The following NUP93 variants were observed in gnomAD, a reference collection of about 807,000 sequenced individuals.
NUP93 encodes the protein nucleoporin 93.
Under a neutral mutation model 107.8 loss-of-function variants are expected in NUP93, and 55 were observed. The ratio of observed to expected loss-of-function variants is 0.51; its 90% CI spans 0.41 to 0.64. NUP93 has a LOEUF of 0.64. Ranked by LOEUF, NUP93 falls within the 30% of genes least tolerant of loss-of-function variation. The pLI is 0.00. For synonymous variants in NUP93, 390 were observed against 397.5 expected (o/e 0.98, Z 0.22); for missense variants, 937 against 1,044.7 (o/e 0.90, Z 1.42).
At chr16:56,841,133 T>C (rs1203000093) in intron 20 of NUP93, among the ~76,000 whole-genome samples, 1 of 152,238 alleles carries the variant, frequency 6.6e-6, no homozygotes, top group Non-Finnish European at 1.5e-5. Flanking sequence ...ATACCTGCTG[T>C]GGCTTCTACC....
chr16:56,754,245 C>G (rs1204410898), intron 2 of NUP93, among the ~76,000 whole-genome samples: 1 of 152,086 alleles, frequency 6.6e-6, no homozygotes, highest in African/African-American at 2.4e-5. Context: ...CACTGGGTGC[C>G]CCCTCCAATG....
chr16:56,733,082 G>A (rs557963446), intron 1 of NUP93, among the ~76,000 whole-genome samples: 1 of 152,290 alleles, frequency 6.6e-6, no homozygotes, highest in South Asian at 2.1e-4. Flanking sequence ...GTGTTATAGA[G>A]AGTGTGTACT....
intron 3 of NUP93, among the ~76,000 whole-genome samples, chr16:56,763,569 T>G (rs1962166840): frequency 6.6e-6 from 1 of 151,858 alleles, no homozygotes; most frequent in Non-Finnish European, 1.5e-5. Context: ...TCTTTTTTCT[T>G]TTATAACATA....
At chr16:56,799,475 A>T (rs145686301) in intron 4 of NUP93, among the ~76,000 whole-genome samples, 186 of 152,300 alleles carry the variant, frequency 1.2e-3, no homozygotes, top group Non-Finnish European at 2.2e-3. Context: ...ATCCCATTAT[A>T]GTGAAAGAGA....
At chr16:56,757,964 G>A (rs977496875) in intron 2 of NUP93, among the ~76,000 whole-genome samples, 15 of 152,138 alleles carry the variant, frequency 9.9e-5, no homozygotes, top group Non-Finnish European at 1.8e-4. Flanking sequence ...TGTACAACCC[G>A]GGAGGCTGAG....
At chr16:56,812,200 CT>C (rs1384480459) in intron 5 of NUP93, among the ~76,000 whole-genome samples, 1 of 152,028 alleles carries the variant, frequency 6.6e-6, no homozygotes, top group Non-Finnish European at 1.5e-5. Flanking sequence ...AGGCTCAAAG[CT>C]TTTTTTGTTT....
At chr16:56,813,825 T>C (rs1379753262) in intron 5 of NUP93, among the ~76,000 whole-genome samples, 3 of 152,226 alleles carry the variant, frequency 2.0e-5, no homozygotes, top group African/African-American at 7.2e-5. Context: ...GTGTCTGTCG[T>C]TTTTTAGTAG....
At chr16:56,739,556 C>T (rs868367782) in intron 1 of NUP93, among the ~76,000 whole-genome samples, 4,503 of 22,266 alleles carry the variant, frequency 0.2, 2 homozygotes, top group Non-Finnish European at 0.23. Context: ...CCGGACGGGG[C>T]GGCTGGCCGG....
At chr16:56,843,937 T>C (rs1391704936) in intron 21 of NUP93, among the ~76,000 whole-genome samples, 1 of 152,134 alleles carries the variant, frequency 6.6e-6, no homozygotes, top group Non-Finnish European at 1.5e-5. Flanking sequence ...CCATAAATAC[T>C]GTTGCCTGGG....
intron 1 of NUP93, among the ~76,000 whole-genome samples, chr16:56,740,160 C>G (rs1433104526): frequency 9.7e-5 from 14 of 144,734 alleles, no homozygotes; most frequent in African/African-American, 2.1e-4. Flanking sequence ...GGGGTGGCTG[C>G]CGGGCGGAGA....
intron 8 of NUP93, among the ~76,000 whole-genome samples, chr16:56,828,218 C>G (rs528158795): frequency 9.1e-6 from 1 of 109,954 alleles, no homozygotes; most frequent in African/African-American, 3.5e-5. Flanking sequence ...AAAAAAAGAT[C>G]ATTGTCATGA....
chr16:56,810,005 G>A (rs1312257625), intron 5 of NUP93, among the ~76,000 whole-genome samples: 1 of 152,164 alleles, frequency 6.6e-6, no homozygotes, highest in Non-Finnish European at 1.5e-5. Context: ...GTGTTAATAG[G>A]TTGTGTTCTG....
rs768650810 is a variant in NUP93, at chr16:56,841,810, C to T, written c.2326C>T (p.Arg776Ter). The change falls in exon 21 of 22, where the codon CGA becomes TGA. Residue 776 changes from arginine (R) to a stop codon, truncating the protein, a stop_gained. Coordinates refer to ENST00000308159, the MANE Select transcript of NUP93 (RefSeq NM_014669.5). LOFTEE classifies it high-confidence loss of function. Reference protein sequence around the residue: ...TSPSSSSRPQRVIEDRDSQLR... With the variant: ...TSPSSSSRPQ ...TCCATCCTCGTCATCCAGGCCCCAG[C>T]GAGTCATCGAGGACCGCGACTCTGT... is the stretch of plus-strand genomic sequence containing the variant. The T allele has an allele frequency of 1.8e-5, 29 of 1,614,026 alleles. No individual in the cohort carries two copies. The highest frequency in any genetic ancestry group is 2.2e-5 in the East Asian group (1 of 44,896).
chr16:56,828,588 G>A (rs2144624731), intron 8 of NUP93, among the ~76,000 whole-genome samples: 1 of 152,340 alleles, frequency 6.6e-6, no homozygotes, highest in South Asian at 2.1e-4. Flanking sequence ...AAAAGGTTAT[G>A]TGCATTCATT....
At chr16:56,784,591 C>T (rs1468442498) in intron 3 of NUP93, among the ~76,000 whole-genome samples, 1 of 152,138 alleles carries the variant, frequency 6.6e-6, no homozygotes, top group African/African-American at 2.4e-5. Flanking sequence ...TAAGAGGAAA[C>T]AAGTGGATTT....
chr16:56,836,554 G>A (rs769368023), intron 16 of NUP93, 47 bp from the exon 17 acceptor site: 4 of 1,126,492 alleles, frequency 3.6e-6, no homozygotes, highest in Non-Finnish European at 5.4e-6. Context: ...TAATAGCTCT[G>A]TGCACCCGTC....
At chr16:56,759,636 T>C (rs1014897253) in intron 3 of NUP93, among the ~76,000 whole-genome samples, 25 of 152,232 alleles carry the variant, frequency 1.6e-4, no homozygotes, top group African/African-American at 5.8e-4. Context: ...TGTCAACTTA[T>C]AGTTGCCTTC....
intron 3 of NUP93, among the ~76,000 whole-genome samples, chr16:56,774,134 G>A (rs1331744880): frequency 6.6e-6 from 1 of 152,104 alleles, no homozygotes; most frequent in Non-Finnish European, 1.5e-5. Flanking sequence ...AAAGGGAAGT[G>A]GGAGGATTAA....
Position 56,830,583 on chromosome 16 carries a change from G to A in NUP93, c.983G>A (p.Cys328Tyr), listed in dbSNP as rs1963762136. The A allele has an allele frequency of 6.2e-7, 1 of 1,610,790 alleles. No individual in the cohort carries two copies. The highest frequency in any genetic ancestry group is 8.5e-7 in the Non-Finnish European group (1 of 1,177,208). ...GCGCTAATTTACTACTGCATGCGCT[G>A]TGGAGACCTGCTTGCCGCTTCACAG... ...VWALIYYCMR[C>Y]GDLLAASQVV... Residue 328 changes from cysteine (C) to tyrosine (Y), a missense_variant, in exon 10 of 22, where the codon TGT (cysteine) becomes TAT (tyrosine). Coordinates refer to ENST00000308159, the MANE Select transcript of NUP93 (RefSeq NM_014669.5).
Sources: allele counts gnomAD v4.1 joint callset (sites outside exome capture counted in the v4.1 genomes callset), GRCh38; gene constraint gnomAD v4.1.1; transcripts MANE v1.5; gene names NCBI Gene and HGNC (gene_info 2026-07-23, HGNC 2026-07-21).